Variants in DYNC2LI1 observed in about 807,000 individuals in gnomAD.
The protein encoded by DYNC2LI1 is cytoplasmic dynein 2 light intermediate chain 1.
DYNC2LI1 carries 45 observed loss-of-function variants against 51.9 expected under a neutral mutation model. The observed-to-expected ratio is 0.87, with a 90% CI of 0.68 to 1.11. The LOEUF (loss-of-function observed/expected upper bound fraction) is 1.11. Among genes scored for constraint, DYNC2LI1 ranks in the 50% most tolerant of loss-of-function variants. The probability of loss-of-function intolerance (pLI) is 0.00; values close to 1 mark genes in which losing one functional copy is unlikely to be tolerated. For missense variants in DYNC2LI1, 490 were observed against 417.4 expected, an observed-to-expected ratio of 1.17 and a Z score of -1.51; for synonymous variants, 130 against 137.8, an observed-to-expected ratio of 0.94 and a Z score of 0.40.
intron 4 of DYNC2LI1, among the ~76,000 whole-genome samples, chr2:43,788,220 G>T (rs182384084): frequency 6.6e-5 from 10 of 152,184 alleles, no homozygotes; most frequent in Admixed American, 6.5e-4. Flanking sequence ...TTCCAGGGAA[G>T]AATTGTTTTT....
At chr2:43,827,585 A>T in the DYNC2LI1 span, among the ~76,000 whole-genome samples, 2 of 152,090 alleles carry the variant, frequency 1.3e-5, no homozygotes, top group Non-Finnish European at 2.9e-5. Context: ...TGAGTTTATC[A>T]TTCAAATTCC....
chr2:43,822,626 T>C, the DYNC2LI1 span: 1 of 984,500 alleles, frequency 1.0e-6, no homozygotes, highest in Non-Finnish European at 1.2e-6. Flanking sequence ...AGTTGGGCTA[T>C]TTACAATAAA....
At chr2:43,788,291 A>G (rs1245018715) in intron 4 of DYNC2LI1, among the ~76,000 whole-genome samples, 6 of 152,208 alleles carry the variant, frequency 3.9e-5, no homozygotes, top group Admixed American at 2.0e-4. Flanking sequence ...TACAGGATGA[A>G]ATTTTGTCAA....
At chr2:43,792,459 CTTA>C (rs1350772521) in intron 5 of DYNC2LI1, among the ~76,000 whole-genome samples, 3 of 152,062 alleles carry the variant, frequency 2.0e-5, no homozygotes, top group Admixed American at 1.3e-4. Context: ...GTTCTACATA[CTTA>C]TTATAACCAT....
chr2:43,794,775 G>A, intron 6 of DYNC2LI1, 132 bp downstream of exon 6: 2 of 1,522,550 alleles, frequency 1.3e-6, no homozygotes, highest in Non-Finnish European at 1.8e-6. Flanking sequence ...CTGTTCACTG[G>A]AAAATTACAG....
At chr2:43,785,413 A>G (rs1359735135) in intron 3 of DYNC2LI1, among the ~76,000 whole-genome samples, 1 of 152,108 alleles carries the variant, frequency 6.6e-6, no homozygotes, top group Non-Finnish European at 1.5e-5. Flanking sequence ...GCATTATGCT[A>G]AGTTAAATGA....
At chr2:43,781,970 C>T (rs1481126824) in intron 2 of DYNC2LI1, among the ~76,000 whole-genome samples, 4 of 151,564 alleles carry the variant, frequency 2.6e-5, no homozygotes, top group Non-Finnish European at 1.5e-5. Context: ...TCATTATTAA[C>T]ATAGTGATGT....
chr2:43,782,671 T>C (rs1442685865), intron 2 of DYNC2LI1, among the ~76,000 whole-genome samples: 6 of 152,154 alleles, frequency 3.9e-5, no homozygotes, highest in Non-Finnish European at 8.8e-5. Context: ...CCAGAACTTG[T>C]ATTTCCTTAC....
At chr2:43,823,561 A>G in the DYNC2LI1 span, among the ~76,000 whole-genome samples, 1 of 152,152 alleles carries the variant, frequency 6.6e-6, no homozygotes, top group Non-Finnish European at 1.5e-5. Context: ...AAGAGAAGCT[A>G]ACGGTACAAA....
the DYNC2LI1 span, chr2:43,820,130 C>T: frequency 6.2e-7 from 1 of 1,603,404 alleles, no homozygotes; most frequent in Non-Finnish European, 8.5e-7. Flanking sequence ...TTAGTTTCCT[C>T]TCCAAGGGCT....
intron 4 of DYNC2LI1, among the ~76,000 whole-genome samples, chr2:43,788,802 A>T (rs971174044): frequency 1.2e-4 from 18 of 152,160 alleles, no homozygotes; most frequent in African/African-American, 4.1e-4. Flanking sequence ...CAGCTAATTT[A>T]AAAAAATTGT....
Position 43,807,818 on chromosome 2 carries a change from A to G in DYNC2LI1, c.994-1887A>G, listed in dbSNP as rs1666325029. 2.0e-5 allele frequency among the ~76,000 whole-genome samples: 3 copies of G among 150,376 alleles called. No homozygotes were observed. In the Admixed American group the frequency reaches 2.0e-4, roughly 10 times the overall value. Reference sequence around the variant, plus strand: ...TTTTAAGGTCTTCTTGGCCAACCACAGTTATCTTCGGAAAACTTTACTTGC... The same window carrying G: ...TTTTAAGGTCTTCTTGGCCAACCACGGTTATCTTCGGAAAACTTTACTTGC... On this transcript the variant is annotated intron_variant, in intron 12 of 12. Coordinates refer to ENST00000260605, the MANE Select transcript of DYNC2LI1 (RefSeq NM_016008.4).
chr2:43,813,716 T>G (rs1296073749), downstream of DYNC2LI1, among the ~76,000 whole-genome samples: 4 of 123,486 alleles, frequency 3.2e-5, no homozygotes, highest in Admixed American at 8.1e-5. Context: ...TTCGTTTTTT[T>G]TTTTTTTTTT....
At chr2:43,810,083 AAG>A, downstream of DYNC2LI1, 1 of 592,156 alleles carries the variant, frequency 1.7e-6, no homozygotes, top group Non-Finnish European at 2.2e-6. Context: ...ATATAAAAGT[AAG>A]AGTATTTGGT....
intron 12 of DYNC2LI1, among the ~76,000 whole-genome samples, chr2:43,806,812 C>A (rs575440881): frequency 8.3e-4 from 127 of 152,200 alleles, no homozygotes; most frequent in African/African-American, 2.8e-3. Context: ...GGAAGGCAGC[C>A]CCACAGTACC....
chr2:43,789,418 G>T (rs1213422490), intron 4 of DYNC2LI1, among the ~76,000 whole-genome samples: 1 of 152,064 alleles, frequency 6.6e-6, no homozygotes, highest in Non-Finnish European at 1.5e-5. Flanking sequence ...GGGCATTTGT[G>T]TACACATATA....
chr2:43,810,647 C>T, downstream of DYNC2LI1: 3 of 429,432 alleles, frequency 7.0e-6, no homozygotes, highest in Non-Finnish European at 9.3e-6. Flanking sequence ...ACTGTCTGAG[C>T]AGATAGCAAG....
In DYNC2LI1 at chr2:43,774,117, T is replaced by G. The variant is rs749054494; in HGVS notation, c.-22T>G. 4.0e-5 allele frequency: 65 copies of G among 1,613,750 alleles called. No homozygotes were observed. Among genetic ancestry groups the G allele is most frequent in the Non-Finnish European group, 5.4e-5 (64 of 1,179,934 alleles). The stretch of plus-strand genomic sequence containing the variant: ...GTCACTACTCCGAGCCTGTGACGTT[T>G]GCGGCAGCCAGGCCGTCGACGATGC... On this transcript the variant is annotated 5_prime_UTR_variant, in exon 1 of 13. Coordinates refer to ENST00000260605, the MANE Select transcript of DYNC2LI1 (RefSeq NM_016008.4).
At chr2:43,780,100 A>G (rs1673204985) in intron 2 of DYNC2LI1, among the ~76,000 whole-genome samples, 1 of 152,192 alleles carries the variant, frequency 6.6e-6, no homozygotes, top group Non-Finnish European at 1.5e-5. Context: ...TGGGGGGAAG[A>G]GGGGTGTCAA....
Sources: allele counts gnomAD v4.1 joint callset (sites outside exome capture counted in the v4.1 genomes callset), GRCh38; gene constraint gnomAD v4.1.1; transcripts MANE v1.5; gene names NCBI Gene and HGNC (gene_info 2026-07-23, HGNC 2026-07-21).